The following MNDA variants were observed in gnomAD, a reference collection of about 807,000 sequenced individuals.
The protein encoded by MNDA is myeloid cell nuclear differentiation antigen.
Under a neutral mutation model 37.8 loss-of-function variants are expected in MNDA, and 43 were observed. That is an observed-to-expected ratio of 1.14 (90% CI 0.89 to 1.47). MNDA has a LOEUF of 1.47. Among genes scored for constraint, MNDA ranks in the 40% most tolerant of loss-of-function variants. The pLI is 0.00. For missense variants in MNDA, 536 were observed against 476.0 expected (o/e 1.13, Z -1.17); for synonymous variants, 181 against 169.0 (o/e 1.07, Z -0.55).
chr1:158,837,393 G>A (rs1658939821), intron 1 of MNDA, among the ~76,000 whole-genome samples: 1 of 151,618 alleles, frequency 6.6e-6, no homozygotes, highest in Admixed American at 6.6e-5. Flanking sequence ...CTGATGTTTT[G>A]TGCATGTATG....
Position 158,847,877 on chromosome 1 carries a change from C to A in MNDA, c.1137C>A (p.Arg379=), listed in dbSNP as rs1182043796. The part of the protein sequence containing the change: ...LFCLQLRTVD[R]KLKLVCGSHS... ...GCCTTCAACTGAGAACAGTTGACCG[C>A]AAGCTGAAACTGGTGTGTGGAAGTC... Residue 379 remains arginine, a synonymous_variant, in exon 6 of 7, where the codon CGC becomes CGA. Coordinates refer to ENST00000368141, the MANE Select transcript of MNDA (RefSeq NM_002432.3). 2 of 1,613,916 alleles carry A rather than the reference C, an allele frequency of 1.2e-6. No individual in the cohort carries two copies. Among genetic ancestry groups the A allele is most frequent in the Non-Finnish European group, 1.7e-6 (2 of 1,179,872 alleles).
At chr1:158,833,530 C>T (rs1302889996) in intron 1 of MNDA, among the ~76,000 whole-genome samples, 2 of 152,152 alleles carry the variant, frequency 1.3e-5, no homozygotes, top group South Asian at 2.1e-4. Flanking sequence ...ACCTTCTTTC[C>T]CCATAAATTT....
rs752788162 is a variant in MNDA at position 158,847,958 on chromosome 1, A to G, written c.1176+42A>G. 4 of 1,576,718 alleles carry G rather than the reference A, an allele frequency of 2.5e-6. No homozygotes were observed. In the South Asian group the frequency reaches 4.6e-5, roughly 18 times the overall value. ...GGAGAATGAGTTTGCTAAAGAGGCAAATAATTTTGCTTAGGCTTTGGGAAC... is the reference window on the plus strand; with the variant it reads ...GGAGAATGAGTTTGCTAAAGAGGCAGATAATTTTGCTTAGGCTTTGGGAAC... On this transcript the variant is annotated intron_variant, in intron 6 of 6. Transcript: ENST00000368141.
At chr1:158,836,312 C>T (rs994393680) in intron 1 of MNDA, among the ~76,000 whole-genome samples, 5 of 151,874 alleles carry the variant, frequency 3.3e-5, no homozygotes, top group Admixed American at 6.6e-5. Flanking sequence ...CTTAATTCTT[C>T]TTTATATATT....
At chr1:158,838,174 T>G (rs1187056504) in intron 1 of MNDA, among the ~76,000 whole-genome samples, 1 of 152,016 alleles carries the variant, frequency 6.6e-6, no homozygotes, top group Non-Finnish European at 1.5e-5. Flanking sequence ...TTACCTTTCA[T>G]CAAGAACTTA....
intron 5 of MNDA, among the ~76,000 whole-genome samples, chr1:158,847,089 A>G (rs1020446225): frequency 6.6e-6 from 1 of 152,220 alleles, no homozygotes; most frequent in African/African-American, 2.4e-5. Flanking sequence ...TCTCACTTGT[A>G]AGGAGGAGCT....
rs752510539 is a variant in MNDA at position 158,842,256 on chromosome 1, C to T, written c.103C>T (p.Leu35=). 4.0e-5 allele frequency: 64 copies of T among 1,613,912 alleles called. 5 individuals are homozygous for T. Among genetic ancestry groups the T allele is most frequent in the Admixed American group, 5.0e-5 (3 of 59,994 alleles). The change falls in exon 2 of 7, where the codon CTA becomes TTA. Residue 35 remains leucine, a synonymous_variant. Transcript: ENST00000368141. ...IKSLLAYDLG[L]TTKMQEEYNR... ...GTCCTTACTGGCCTATGATTTAGGACTAACTACAAAAATGCAAGAGGAATA... is the reference window on the plus strand; with the variant it reads ...GTCCTTACTGGCCTATGATTTAGGATTAACTACAAAAATGCAAGAGGAATA...
At chr1:158,841,136 A>C (rs1317628818) in intron 1 of MNDA, among the ~76,000 whole-genome samples, 1 of 152,180 alleles carries the variant, frequency 6.6e-6, no homozygotes, top group African/African-American at 2.4e-5. Flanking sequence ...AGAGGAAGAA[A>C]ACTGGGAATG....
intron 6 of MNDA, among the ~76,000 whole-genome samples, chr1:158,848,901 C>T (rs770897460): frequency 1.3e-5 from 2 of 151,740 alleles, no homozygotes; most frequent in Non-Finnish European, 2.9e-5. Flanking sequence ...TGTTACAAAT[C>T]GAAACTTTTA....
At chr1:158,844,390 T>A (rs1659092737) in intron 4 of MNDA, among the ~76,000 whole-genome samples, 2 of 151,446 alleles carry the variant, frequency 1.3e-5, no homozygotes, top group Non-Finnish European at 2.9e-5. Flanking sequence ...TGGCTCCTAG[T>A]ACCAGTACAT....
intron 5 of MNDA, 90 bp downstream of exon 5, chr1:158,846,093 A>C (rs1270964836): frequency 5.8e-6 from 7 of 1,215,822 alleles, no homozygotes; most frequent in Non-Finnish European, 8.1e-6. Context: ...ATATTGGAAC[A>C]CAAGAATTTA....
chr1:158,843,514 C>A, intron 3 of MNDA, 99 bp downstream of exon 3: 4 of 1,227,058 alleles, frequency 3.3e-6, no homozygotes, highest in Non-Finnish European at 4.3e-6. Flanking sequence ...TTAGATTTAC[C>A]AAATTAGTAA....
rs1248383214 is a variant in MNDA at position 158,847,808 on chromosome 1, G to A, written c.1068G>A (p.Trp356Ter). The A allele has an allele frequency of 2.5e-6, 4 of 1,614,024 alleles. No individual in the cohort carries two copies. In the Admixed American group the frequency reaches 6.7e-5, roughly 27 times the overall value. Residue 356 changes from tryptophan to a stop codon, truncating the protein, a stop_gained, in exon 6 of 7, where the codon TGG becomes TGA. Coordinates refer to ENST00000368141, the MANE Select transcript of MNDA (RefSeq NM_002432.3). LOFTEE classifies it high-confidence loss of function. ...GSMDVVGSGK[W>*]HNIKCEKGDK... ...TGGATGTAGTGGGGAGTGGAAAATGGCACAATATCAAGTGTGAGAAAGGAG... is the reference window on the plus strand; with the variant it reads ...TGGATGTAGTGGGGAGTGGAAAATGACACAATATCAAGTGTGAGAAAGGAG...
At chr1:158,837,218 T>C (rs1465257206) in intron 1 of MNDA, among the ~76,000 whole-genome samples, 1 of 151,864 alleles carries the variant, frequency 6.6e-6, no homozygotes, top group Admixed American at 6.6e-5. Flanking sequence ...ATATAATTGG[T>C]CTATAAGTGG....
chr1:158,835,320 C>T (rs772839477), intron 1 of MNDA, among the ~76,000 whole-genome samples: 1 of 152,020 alleles, frequency 6.6e-6, no homozygotes, highest in African/African-American at 2.4e-5. Flanking sequence ...TAATTTACCA[C>T]CTTGATTAAG....
At chr1:158,843,495 C>T in intron 3 of MNDA, 80 bp downstream of exon 3, 1 of 1,363,094 alleles carries the variant, frequency 7.3e-7, no homozygotes, top group African/African-American at 1.5e-5. Context: ...ACTAATATCT[C>T]AACACAGCTT....
rs1317651133 is a variant in MNDA at position 158,844,027 on chromosome 1, C to T, written c.475C>T (p.Pro159Ser). Residue 159 changes from proline (P) to serine (S), a missense_variant, in exon 4 of 7, where the codon CCA (proline) becomes TCA (serine). Transcript: ENST00000368141. Reference protein sequence around the residue: ...NKVSQEQSKPPGPSGASTSAA... With the variant: ...NKVSQEQSKPSGPSGASTSAA... ...GGTGTCCCAAGAGCAGAGTAAGCCCCCAGGTCCCTCAGGAGCCAGCACATC... is the reference window on the plus strand; with the variant it reads ...GGTGTCCCAAGAGCAGAGTAAGCCCTCAGGTCCCTCAGGAGCCAGCACATC... 1 of 1,613,804 alleles carries T rather than the reference C, an allele frequency of 6.2e-7. No homozygotes were observed.
chr1:158,832,766 C>A (rs1658829960), intron 1 of MNDA, among the ~76,000 whole-genome samples: 1 of 151,952 alleles, frequency 6.6e-6, no homozygotes, highest in Non-Finnish European at 1.5e-5. Context: ...ACTTTTCCAG[C>A]TCTTTCTCAA....
At chr1:158,840,811 T>C (rs995380756) in intron 1 of MNDA, among the ~76,000 whole-genome samples, 5 of 152,186 alleles carry the variant, frequency 3.3e-5, no homozygotes, top group African/African-American at 1.2e-4. Flanking sequence ...GGCTTTACTA[T>C]ATGTGCCCAT....
Sources: gnomAD v4.1 joint callset for allele counts (sites outside exome capture counted in the v4.1 genomes callset) on GRCh38, gnomAD v4.1.1 for gene constraint, MANE v1.5 for transcripts, NCBI Gene and HGNC (gene_info 2026-07-23, HGNC 2026-07-21) for gene names.